DHX34: variants seen among roughly 807,000 people sequenced by gnomAD.
DHX34 encodes probable ATP-dependent RNA helicase DHX34.
A neutral mutation model predicts 111.1 loss-of-function variants in DHX34; 96 were observed. The ratio of observed to expected loss-of-function variants is 0.86; its 90% CI spans 0.73 to 1.02. The LOEUF (loss-of-function observed/expected upper bound fraction) is 1.02. DHX34 is among the 50% of genes least tolerant of loss of function. The pLI is 0.00. For missense variants in DHX34, 1,560 were observed against 1,579.9 expected (o/e 0.99, Z 0.21); for synonymous variants, 688 against 670.4 (o/e 1.03, Z -0.41).
Position 47,376,535 on chromosome 19 carries a change from G to A in DHX34, c.2574G>A (p.Glu858=). The change falls in exon 12 of 17, where the codon GAG becomes GAA. Residue 858 remains glutamate, a synonymous_variant. Coordinates refer to ENST00000328771, the MANE Select transcript of DHX34 (RefSeq NM_014681.6). ...SPEVLHAQEL[E]ASNCDGSRDD... The stretch of plus-strand genomic sequence containing the variant: ...AGGTGCTGCACGCACAGGAGCTGGA[G>A]GCCAGCAACTGCGACGGAAGCCGAG... The A allele has an allele frequency of 1.3e-6, 2 of 1,577,136 alleles. No homozygotes were observed. The highest frequency in any genetic ancestry group is 8.6e-7 in the Non-Finnish European group (1 of 1,162,096).
intron 5 of DHX34, 60 bp from the exon 6 acceptor site, chr19:47,362,416 C>T (rs1269651927): frequency 3.5e-6 from 5 of 1,443,200 alleles, no homozygotes; most frequent in South Asian, 1.5e-5. Flanking sequence ...GAGCCAGGCG[C>T]GTGGCCAGCT....
chr19:47,381,366 C>T (rs370778708), intron 16 of DHX34, 42 bp downstream of exon 16: 114 of 1,588,942 alleles, frequency 7.2e-5, no homozygotes, highest in African/African-American at 4.6e-4. Flanking sequence ...TCTGCCCAGC[C>T]GTCTGCCCAT....
intron 6 of DHX34, among the ~76,000 whole-genome samples, chr19:47,364,053 C>T (rs186539152): frequency 2.6e-5 from 4 of 152,248 alleles, no homozygotes; most frequent in Non-Finnish European, 5.9e-5. Flanking sequence ...TACAGGTTGG[C>T]AGGCAATTTT....
At chr19:47,365,044 C>G (rs1969749765) in intron 6 of DHX34, among the ~76,000 whole-genome samples, 1 of 152,042 alleles carries the variant, frequency 6.6e-6, no homozygotes, top group African/African-American at 2.4e-5. Context: ...CTCTCATCCT[C>G]TCTTGTCAGC....
intron 13 of DHX34, among the ~76,000 whole-genome samples, chr19:47,378,828 C>T (rs1334766356): frequency 6.6e-6 from 1 of 151,390 alleles, no homozygotes; most frequent in Admixed American, 6.6e-5. Context: ...CAGAGTGAGA[C>T]ACTGTCTCAA....
At chr19:47,376,606 G>C in intron 12 of DHX34, 46 bp downstream of exon 12, 1 of 1,541,510 alleles carries the variant, frequency 6.5e-7, no homozygotes, top group African/African-American at 1.4e-5. Context: ...GGATGTGAGG[G>C]GCAGGGATAC....
chr19:47,375,578 G>A lies in DHX34; in HGVS notation c.2177G>A (p.Arg726His), dbSNP rs759307774. 9.1e-6 allele frequency: 14 copies of A among 1,546,444 alleles called. No homozygotes were observed. The Admixed American group carries it at 9.8e-5, about 11-fold the overall frequency. Residue 726 changes from arginine (R) to histidine (H), a missense_variant, in exon 10 of 17, where the codon CGC (arginine) becomes CAC (histidine). Transcript: ENST00000328771. ...CGCCGGGCCCTGCACCAGCTGAAAC[G>A]CCAGCACGAGGAGGGCGCGGGGCGC... Reference protein sequence around the residue: ...RERRALHQLKRQHEEGAGRRR... With the variant: ...RERRALHQLKHQHEEGAGRRR...
chr19:47,367,444 G>A (rs1455945285), intron 7 of DHX34, among the ~76,000 whole-genome samples: 1 of 152,202 alleles, frequency 6.6e-6, no homozygotes, highest in Non-Finnish European at 1.5e-5. Flanking sequence ...GTTCTGGAGA[G>A]AAGAAACAAC....
At chr19:47,352,081 G>C (rs2122207435) in intron 1 of DHX34, among the ~76,000 whole-genome samples, 1 of 152,302 alleles carries the variant, frequency 6.6e-6, no homozygotes, top group African/African-American at 2.4e-5. Flanking sequence ...GTGGAGACAA[G>C]GTTCTGCTGT....
Position 47,374,124 on chromosome 19 carries a change from C to T in DHX34, c.2064+424C>T, listed in dbSNP as rs113664920. ...TTGTCTCTGGGCCTCAGCTTCCCCT[C>T]GATAAAAAGAGAGGATAAAAATAGC... On this transcript the variant is annotated intron_variant, in intron 9 of 16. Transcript: ENST00000328771. Among the ~76,000 whole-genome samples, 442 of 152,134 alleles carry T rather than the reference C, an allele frequency of 2.9e-3. 1 individual carries two copies. Among genetic ancestry groups the T allele is most frequent in the African/African-American group, 9.8e-3 (408 of 41,532 alleles).
At chr19:47,379,593 G>A in intron 13 of DHX34, 117 bp from the exon 14 acceptor site, 1 of 1,482,486 alleles carries the variant, frequency 6.7e-7, no homozygotes. Context: ...GCGGGTAGGT[G>A]GATGCCTCAC....
chr19:47,380,890 C>T lies in DHX34; in HGVS notation c.3057C>T (p.Ala1019=), dbSNP rs1475517664. The change falls in exon 15 of 17, where the codon GCC becomes GCT. Residue 1019 remains alanine (A), a synonymous_variant. Transcript: ENST00000328771. ...ATGTGGGACCCCAGACCATCCCAGC[C>T]ACCCCCCATCTTCCTGGCCTCTTTG... ...NMYVGPQTIP[A]TPHLPGLFGS... is the part of the protein sequence containing the mutation. The T allele has an allele frequency of 5.0e-6, 8 of 1,613,766 alleles. No homozygotes were observed. In the South Asian group the frequency reaches 7.7e-5, roughly 16 times the overall value.
chr19:47,368,612 ATG>A (rs374912105), intron 7 of DHX34, among the ~76,000 whole-genome samples: 49,023 of 140,938 alleles, frequency 0.35, 10,984 homozygotes, highest in African/African-American at 0.67. Context: ...GGTCCATTGA[ATG>A]TGTGTGTGTG....
At position 47,353,700 on chromosome 19, in the gene DHX34, G is replaced by T. The variant is rs1268420634; in HGVS notation, c.670G>T (p.Val224Leu). The change falls in exon 2 of 17, where the codon GTG becomes TTG. Residue 224 changes from valine (V) to leucine (L), a missense_variant. Transcript: ENST00000328771. This position sits in a 1 kb window ranked among gnomAD's most constrained non-coding sequence, Gnocchi z 4.6. ...CGCCTGCATCTCACTGGCCAAGCGT[G>T]TGGGCTTTGAGAGCCTCAGTCAGTA... Reference protein sequence around the residue: ...RIACISLAKRVGFESLSQYGS... With the variant: ...RIACISLAKRLGFESLSQYGS... 4 of 1,607,736 alleles carry T rather than the reference G, an allele frequency of 2.5e-6. No homozygotes were observed. In the South Asian group the frequency reaches 4.4e-5, roughly 18 times the overall value.
At position 47,353,318 on chromosome 19, in the gene DHX34, A is replaced by G. The variant is rs537875484; in HGVS notation, c.288A>G (p.Leu96=). Reference sequence around the variant, plus strand: ...ACAGCATCCCAGCGCTGGCCGACCTACCTCGCACTTACGACCCACGTTACC... The same window carrying G: ...ACAGCATCCCAGCGCTGGCCGACCTGCCTCGCACTTACGACCCACGTTACC... ...PKHSIPALAD[L]PRTYDPRYRI... is the part of the protein sequence containing the mutation. The change falls in exon 2 of 17, where the codon CTA becomes CTG. Residue 96 remains leucine, a synonymous_variant. Coordinates refer to ENST00000328771, the MANE Select transcript of DHX34 (RefSeq NM_014681.6). The surrounding 1 kb of genome is among the most constrained non-coding windows in gnomAD (Gnocchi z 4.6). 739 of 1,614,032 alleles carry G rather than the reference A, an allele frequency of 4.6e-4. 10 individuals are homozygous for G. The South Asian group carries it at 7.7e-3, about 17-fold the overall frequency.
At chr19:47,364,340 G>A (rs901832892) in intron 6 of DHX34, among the ~76,000 whole-genome samples, 1 of 152,290 alleles carries the variant, frequency 6.6e-6, no homozygotes, top group Non-Finnish European at 1.5e-5. Context: ...GCAGCTGATG[G>A]TGTCTGCCAC....
chr19:47,367,215 C>A (rs902331063), intron 7 of DHX34, 60 bp downstream of exon 7: 1 of 1,355,494 alleles, frequency 7.4e-7, no homozygotes, highest in Non-Finnish European at 9.6e-7. Flanking sequence ...GGGCACAGCT[C>A]ACTCTCTGAG....
intron 7 of DHX34, 128 bp from the exon 8 acceptor site, chr19:47,372,602 C>T (rs1969997480): frequency 2.8e-6 from 4 of 1,427,140 alleles, no homozygotes; most frequent in Non-Finnish European, 3.7e-6. Context: ...GGTCACAAGA[C>T]CCTTAGTGGG....
At chr19:47,360,157 C>T in intron 5 of DHX34, 87 bp downstream of exon 5, 1 of 1,296,884 alleles carries the variant, frequency 7.7e-7, no homozygotes, top group South Asian at 1.2e-5. Flanking sequence ...CAGGGGCGCA[C>T]CAGCTTGGAT....
Sources: gnomAD v4.1 joint callset for allele counts (sites outside exome capture counted in the v4.1 genomes callset) on GRCh38, gnomAD v4.1.1 for gene constraint, Gnocchi (gnomAD v3.1) non-coding constraint, MANE v1.5 for transcripts, NCBI Gene and HGNC (gene_info 2026-07-23, HGNC 2026-07-21) for gene names.